Variants in OSMR observed in about 807,000 individuals in gnomAD.
OSMR encodes oncostatin-M-specific receptor subunit beta.
A neutral mutation model predicts 99.9 loss-of-function variants in OSMR; 81 were observed. That is an observed-to-expected ratio of 0.81 (90% CI 0.68 to 0.97). The LOEUF is 0.97. OSMR is among the 50% of genes least tolerant of loss of function. The pLI, the probability that OSMR is intolerant of heterozygous loss-of-function variation, is 0.00. For synonymous variants in OSMR, 406 were observed against 410.4 expected, an observed-to-expected ratio of 0.99 and a Z score of 0.13; for missense variants, 1,099 against 1,153.4, an observed-to-expected ratio of 0.95 and a Z score of 0.68.
chr5:38,919,460 A>G (rs1746123390), intron 11 of OSMR: 1 of 762,604 alleles, frequency 1.3e-6, no homozygotes, highest in Non-Finnish European at 1.9e-6. Context: ...TTGCACCTGG[A>G]AAGAGTCCAT....
At chr5:38,848,569 C>T (rs961233787) in intron 1 of OSMR, among the ~76,000 whole-genome samples, 2 of 152,350 alleles carry the variant, frequency 1.3e-5, no homozygotes, top group Admixed American at 1.3e-4. Flanking sequence ...CCTCCTCCCA[C>T]TCAGAAGAGG....
chr5:38,914,478 C>T (rs987470427), intron 9 of OSMR, among the ~76,000 whole-genome samples: 1 of 152,332 alleles, frequency 6.6e-6, no homozygotes, highest in Non-Finnish European at 1.5e-5. Flanking sequence ...CAAAACAGAG[C>T]TACTGTTCCA....
intron 7 of OSMR, among the ~76,000 whole-genome samples, chr5:38,887,705 A>G (rs1384157283): frequency 6.6e-6 from 1 of 152,122 alleles, no homozygotes; most frequent in Non-Finnish European, 1.5e-5. Context: ...TAATTAATTT[A>G]CCAAATTCTA....
At chr5:38,850,141 T>C (rs1335055894) in intron 1 of OSMR, among the ~76,000 whole-genome samples, 3 of 152,156 alleles carry the variant, frequency 2.0e-5, no homozygotes, top group Non-Finnish European at 4.4e-5. Flanking sequence ...CACCTGAGGA[T>C]ATTATTTAAA....
chr5:38,927,065 T>C (rs1746505462), intron 15 of OSMR, among the ~76,000 whole-genome samples: 1 of 152,228 alleles, frequency 6.6e-6, no homozygotes, highest in Non-Finnish European at 1.5e-5. Flanking sequence ...ACTCCATGTC[T>C]CACATTCAGG....
intron 9 of OSMR, among the ~76,000 whole-genome samples, chr5:38,905,966 G>A (rs1745202987): frequency 6.6e-6 from 1 of 152,102 alleles, no homozygotes; most frequent in Admixed American, 6.6e-5. Flanking sequence ...ACATGAGGAT[G>A]GTCATTAGTC....
chr5:38,892,724 A>G (rs1186108356), intron 7 of OSMR, among the ~76,000 whole-genome samples: 1 of 152,160 alleles, frequency 6.6e-6, no homozygotes, highest in Non-Finnish European at 1.5e-5. Context: ...GACATTTCCC[A>G]TGGCTTTCAA....
intron 11 of OSMR, among the ~76,000 whole-genome samples, chr5:38,919,758 A>G (rs1396692882): frequency 6.6e-6 from 1 of 152,208 alleles, no homozygotes; most frequent in Non-Finnish European, 1.5e-5. Flanking sequence ...ATTACCCTTC[A>G]GTTCCTGCTA....
intron 1 of OSMR, chr5:38,941,322 A>G (rs558753684): frequency 4.8e-6 from 1 of 207,674 alleles, no homozygotes; most frequent in African/African-American, 2.4e-5. Context: ...AAGCTTTATT[A>G]ATGTTTTTTT....
chr5:38,870,348 T>TC (rs1742286158), intron 2 of OSMR, among the ~76,000 whole-genome samples: 2 of 150,798 alleles, frequency 1.3e-5, no homozygotes, highest in South Asian at 4.2e-4. Context: ...TTTTTTTTTT[T>TC]TGAGACAGAG....
intron 1 of OSMR, among the ~76,000 whole-genome samples, chr5:38,865,569 G>A (rs1177077371): frequency 6.6e-6 from 1 of 152,262 alleles, no homozygotes; most frequent in Non-Finnish European, 1.5e-5. Context: ...AGTGGAAGCT[G>A]TGGTGAGATT....
At chr5:38,856,546 CAG>C (rs138071584) in intron 1 of OSMR, among the ~76,000 whole-genome samples, 29,091 of 152,060 alleles carry the variant, frequency 0.19, 2,885 homozygotes, top group African/African-American at 0.23. Context: ...CAGAAGAAAA[CAG>C]GGAATCTGAG....
chr5:38,893,092 A>G (rs564404646), intron 7 of OSMR, among the ~76,000 whole-genome samples: 1 of 152,320 alleles, frequency 6.6e-6, no homozygotes, highest in East Asian at 1.9e-4. Flanking sequence ...CAGTAAACAC[A>G]GACAGGATAC....
intron 2 of OSMR, among the ~76,000 whole-genome samples, chr5:38,875,059 C>T (rs747063480): frequency 1.6e-4 from 25 of 152,268 alleles, no homozygotes; most frequent in African/African-American, 2.6e-4. Flanking sequence ...ACCATTTAAA[C>T]GTAACGTTTG....
At chr5:38,895,346 A>G (rs899579064) in intron 7 of OSMR, among the ~76,000 whole-genome samples, 2 of 152,026 alleles carry the variant, frequency 1.3e-5, no homozygotes, top group African/African-American at 4.8e-5. Context: ...TTGATAGACC[A>G]CTAGCTAGAC....
At chr5:38,915,734 A>G (rs77121085) in intron 9 of OSMR, among the ~76,000 whole-genome samples, 1,541 of 152,372 alleles carry the variant, frequency 0.01, 31 homozygotes, top group African/African-American at 0.036. Flanking sequence ...CAAAGTAAAC[A>G]TTAAAAATAG....
intron 2 of OSMR, chr5:38,944,824 T>G: frequency 7.8e-7 from 1 of 1,284,202 alleles, no homozygotes. Flanking sequence ...GAGACAACTT[T>G]AATTTACAGT....
chr5:38,894,291 A>G (rs1368436960), intron 7 of OSMR, among the ~76,000 whole-genome samples: 1 of 152,136 alleles, frequency 6.6e-6, no homozygotes, highest in Admixed American at 6.5e-5. Flanking sequence ...CCAGCTAACA[A>G]CTTCACAATA....
intron 7 of OSMR, among the ~76,000 whole-genome samples, chr5:38,887,639 C>G (rs1380584098): frequency 6.6e-6 from 1 of 152,044 alleles, no homozygotes; most frequent in Non-Finnish European, 1.5e-5. Flanking sequence ...TCACCCTATT[C>G]TTTTTCAGAA....
Sources: allele counts gnomAD v4.1 joint callset (sites outside exome capture counted in the v4.1 genomes callset), GRCh38; gene constraint gnomAD v4.1.1; transcripts MANE v1.5; gene names NCBI Gene and HGNC (gene_info 2026-07-23, HGNC 2026-07-21).